ALPK3: variants seen among roughly 807,000 people sequenced by gnomAD.
ALPK3 encodes alpha-protein kinase 3.
A neutral mutation model predicts 140.0 loss-of-function variants in ALPK3; 102 were observed. That is an observed-to-expected ratio of 0.73 (90% CI 0.62 to 0.86). ALPK3 has a LOEUF of 0.86. Ranked by LOEUF, ALPK3 falls within the 40% of genes least tolerant of loss-of-function variation. The probability of loss-of-function intolerance (pLI) is 0.00; values close to 1 mark genes in which losing one functional copy is unlikely to be tolerated. For missense variants in ALPK3, 2,254 were observed against 2,208.2 expected, an observed-to-expected ratio of 1.02 and a Z score of -0.42; for synonymous variants, 938 against 898.5, an observed-to-expected ratio of 1.04 and a Z score of -0.79.
chr15:84,844,217 G>C (rs943626020), intron 5 of ALPK3, among the ~76,000 whole-genome samples: 6 of 152,058 alleles, frequency 3.9e-5, no homozygotes, highest in African/African-American at 1.2e-4. Context: ...GACAGAGTGA[G>C]GCTCCATCTC....
chr15:84,847,228 A>G (rs1329470303), intron 5 of ALPK3, among the ~76,000 whole-genome samples: 6 of 151,362 alleles, frequency 4.0e-5, no homozygotes, highest in East Asian at 1.9e-4. Flanking sequence ...AGAGAGAGAG[A>G]GAGAGAGAGA....
In ALPK3 at chr15:84,857,970, G is replaced by A. The variant is rs551887220; in HGVS notation, c.3232G>A (p.Glu1078Lys). The part of the protein sequence containing the change: ...SLTVPAIVVD[E>K]EDPGLASEGA... ...CACTGTCCCTGCCATTGTGGTAGAC[G>A]AGGAGGACCCTGGGCTGGCCTCAGA... The change falls in exon 6 of 14, where the codon GAG becomes AAG. Residue 1078 changes from glutamate to lysine, a missense_variant. Transcript: ENST00000258888. The A allele has an allele frequency of 2.5e-6, 4 of 1,607,462 alleles. No individual in the cohort carries two copies. Among genetic ancestry groups the A allele is most frequent in the East Asian group, 4.5e-5 (2 of 44,728 alleles).
chr15:84,829,068 A>T (rs1963518472), intron 3 of ALPK3, among the ~76,000 whole-genome samples: 1 of 152,246 alleles, frequency 6.6e-6, no homozygotes, highest in Non-Finnish European at 1.5e-5. Context: ...ACTTCAAATT[A>T]TACTAAAAGG....
At chr15:84,836,773 G>A (rs1221045483) in intron 3 of ALPK3, among the ~76,000 whole-genome samples, 3 of 152,168 alleles carry the variant, frequency 2.0e-5, no homozygotes, top group Non-Finnish European at 4.4e-5. Context: ...GAGTCCATGA[G>A]CATACATATA....
chr15:84,828,329 T>C (rs1337491080), intron 3 of ALPK3, among the ~76,000 whole-genome samples: 1 of 152,114 alleles, frequency 6.6e-6, no homozygotes, highest in Non-Finnish European at 1.5e-5. Context: ...TGATACTCCT[T>C]GGAAGGGGAA....
intron 9 of ALPK3, among the ~76,000 whole-genome samples, chr15:84,862,423 T>G (rs1056080576): frequency 1.3e-5 from 2 of 152,032 alleles, no homozygotes; most frequent in South Asian, 4.2e-4. Context: ...TGGGTACCGC[T>G]AGATGGCAGG....
intron 2 of ALPK3, among the ~76,000 whole-genome samples, 200 bp downstream of exon 2, chr15:84,823,568 A>T (rs1463849699): frequency 1.3e-5 from 2 of 152,112 alleles, no homozygotes; most frequent in African/African-American, 4.8e-5. Context: ...TGCATGGGCC[A>T]TTTGAGATGG....
chr15:84,851,353 G>A (rs1405197941), intron 5 of ALPK3, among the ~76,000 whole-genome samples: 1 of 152,174 alleles, frequency 6.6e-6, no homozygotes, highest in Non-Finnish European at 1.5e-5. Flanking sequence ...AGATGAACCT[G>A]GAGAAACAGA....
rs34414438 is a variant in ALPK3 at position 84,857,874 on chromosome 15, C to T, written c.3136C>T (p.Arg1046Cys). The T allele has an allele frequency of 1.6e-5, 25 of 1,612,520 alleles. No individual in the cohort carries two copies. Among genetic ancestry groups the T allele is most frequent in the Middle Eastern group, 1.7e-4 (1 of 6,058 alleles). ...TSRRLTGLLD[R>C]EVQAGRQALA... Reference sequence around the variant, plus strand: ...CCGCCGCCTCACCGGCCTCCTGGACCGTGAGGTGCAGGCTGGCCGCCAGGC... The same window carrying T: ...CCGCCGCCTCACCGGCCTCCTGGACTGTGAGGTGCAGGCTGGCCGCCAGGC... Residue 1046 changes from arginine (R) to cysteine (C), a missense_variant, in exon 6 of 14, where the codon CGT becomes TGT. Around this residue, in one of 3 missense-constraint regions of ALPK3, gnomAD observed 2,088 missense variants for 2,022.9 expected, o/e 1.03. Transcript: ENST00000258888.
chr15:84,859,332 A>G lies in ALPK3; in HGVS notation c.3907A>G (p.Ser1303Gly), dbSNP rs1358746027. The stretch of plus-strand genomic sequence containing the variant: ...GTGGTGCCAGTTTTTCAACATTCTT[A>G]GTGACTCAGTCTTGACATGGGCCAA... Reference protein sequence around the residue: ...KLWCQFFNILSDSVLTWAKDQ... With the variant: ...KLWCQFFNILGDSVLTWAKDQ... Residue 1303 changes from serine (S) to glycine (G), a missense_variant, in exon 7 of 14, where the codon AGT becomes GGT. This residue lies in a region of ALPK3 where 2,088 missense variants were observed against 2,022.9 expected (regional missense o/e 1.03). Transcript: ENST00000258888. 6.2e-7 allele frequency: 1 copy of G among 1,614,102 alleles called. No individual in the cohort carries two copies. Among genetic ancestry groups the G allele is most frequent in the South Asian group, 1.1e-5 (1 of 91,080 alleles).
intron 5 of ALPK3, among the ~76,000 whole-genome samples, chr15:84,842,429 G>T (rs961789180): frequency 1.3e-5 from 2 of 152,228 alleles, no homozygotes; most frequent in Non-Finnish European, 2.9e-5. Flanking sequence ...GATAGAGGAA[G>T]CAGTTATAGA....
At chr15:84,842,856 C>T (rs1206463388) in intron 5 of ALPK3, among the ~76,000 whole-genome samples, 4 of 152,062 alleles carry the variant, frequency 2.6e-5, no homozygotes, top group Non-Finnish European at 4.4e-5. Flanking sequence ...CACAGTGGCC[C>T]GGGGAAGGCT....
rs143386861 is a variant in ALPK3 at position 84,840,005 on chromosome 15, T to C, written c.726T>C (p.Pro242=). 167 of 1,613,360 alleles carry C rather than the reference T, an allele frequency of 1.0e-4. No individual in the cohort carries two copies. Among genetic ancestry groups the C allele is most frequent in the Non-Finnish European group, 1.3e-4 (150 of 1,179,736 alleles). Reference sequence around the variant, plus strand: ...GCCCCTCGGTCCCTACCAGGGAGCCTGAGGGTGGGACCCTGGCGGCTTGGC... The same window carrying C: ...GCCCCTCGGTCCCTACCAGGGAGCCCGAGGGTGGGACCCTGGCGGCTTGGC... The part of the protein sequence containing the change: ...APGPSVPTRE[P]EGGTLAAWQE... Residue 242 remains proline, a synonymous_variant, in exon 5 of 14, where the codon CCT becomes CCC. Coordinates refer to ENST00000258888, the MANE Select transcript of ALPK3 (RefSeq NM_020778.5).
intron 1 of ALPK3, among the ~76,000 whole-genome samples, chr15:84,818,496 T>C (rs1266047999): frequency 6.6e-6 from 1 of 152,056 alleles, no homozygotes; most frequent in Non-Finnish European, 1.5e-5. Flanking sequence ...CAAAGGGAAA[T>C]GTGTTGAGAT....
chr15:84,849,333 C>T (rs1380715528), intron 5 of ALPK3, among the ~76,000 whole-genome samples: 14 of 152,100 alleles, frequency 9.2e-5, no homozygotes, highest in Admixed American at 8.5e-4. Flanking sequence ...CTTTAACACT[C>T]CTCTCTCTCA....
At chr15:84,830,267 C>CT (rs35545192) in intron 3 of ALPK3, among the ~76,000 whole-genome samples, 30,222 of 152,172 alleles carry the variant, frequency 0.2, 3,806 homozygotes, top group Middle Eastern at 0.38. Flanking sequence ...TTTATCTGAA[C>CT]TGCTAGGCTT....
chr15:84,846,872 C>G (rs1963737063), intron 5 of ALPK3, among the ~76,000 whole-genome samples: 1 of 152,048 alleles, frequency 6.6e-6, no homozygotes, highest in African/African-American at 2.4e-5. Flanking sequence ...TCAAGAGATT[C>G]TCCTGCCTCA....
chr15:84,867,467 G>A, intron 13 of ALPK3, 102 bp downstream of exon 13: 1 of 1,379,964 alleles, frequency 7.2e-7, no homozygotes, highest in Non-Finnish European at 1.0e-6. Context: ...TGGGCCTGGG[G>A]CCAAGTGGTC....
intron 5 of ALPK3, among the ~76,000 whole-genome samples, chr15:84,846,150 T>A (rs1432669693): frequency 6.6e-6 from 1 of 152,140 alleles, no homozygotes; most frequent in Non-Finnish European, 1.5e-5. Context: ...AACTATAACC[T>A]CAGAGGCCTG....
Sources: allele counts gnomAD v4.1 joint callset (sites outside exome capture counted in the v4.1 genomes callset), GRCh38; gene constraint gnomAD v4.1.1; regional missense constraint gnomAD v4.1.1; transcripts MANE v1.5; gene names NCBI Gene and HGNC (gene_info 2026-07-23, HGNC 2026-07-21).